BAIAP2L2: variants seen among roughly 807,000 people sequenced by gnomAD.
BAIAP2L2 encodes BAR/IMD domain containing adaptor protein 2 like 2.
In BAIAP2L2, 65 loss-of-function variants were observed where a neutral mutation model predicts 60.4. The ratio of observed to expected loss-of-function variants is 1.08; its 90% CI spans 0.88 to 1.32. The LOEUF (loss-of-function observed/expected upper bound fraction) is 1.32. Ranked by LOEUF, BAIAP2L2 falls within the 40% of genes most tolerant of loss-of-function variation. BAIAP2L2 has a pLI of 0.00. For synonymous variants in BAIAP2L2, 344 were observed against 301.7 expected (o/e 1.14, Z -1.45); for missense variants, 836 against 741.2 (o/e 1.13, Z -1.48).
At chr22:38,101,464 C>T (rs1220700542) in intron 4 of BAIAP2L2, among the ~76,000 whole-genome samples, 2 of 145,692 alleles carry the variant, frequency 1.4e-5, no homozygotes, top group Non-Finnish European at 3.0e-5. Flanking sequence ...AGAGGATTGC[C>T]CGAGCCCAGG....
Position 38,088,699 on chromosome 22 carries a change from A to G in BAIAP2L2, c.1118+49T>C, listed in dbSNP as rs1601992664. ...GCAGGTCCCCGGGTTCCCGGCCCCCAGGGCCTTCTTCTCAACCCACCCCCG... is the reference window on the plus strand; with the variant it reads ...GCAGGTCCCCGGGTTCCCGGCCCCCGGGGCCTTCTTCTCAACCCACCCCCG... On this transcript the variant is annotated intron_variant, in intron 10 of 13. Transcript: ENST00000381669. 8.1e-6 allele frequency: 12 copies of G among 1,489,028 alleles called. No homozygotes were observed. The East Asian group carries it at 2.6e-4, about 33-fold the overall frequency. 92.2% of individuals were successfully genotyped at this position (1,489,028 alleles called of 1,614,324 possible).
At position 38,086,328 on chromosome 22, in the gene BAIAP2L2, T is replaced by C. The variant is rs183519165; in HGVS notation, c.1381A>G (p.Ser461Gly). 5.7e-6 allele frequency: 9 copies of C among 1,576,110 alleles called. No individual in the cohort carries two copies. Among genetic ancestry groups the C allele is most frequent in the African/African-American group, 1.4e-5 (1 of 73,746 alleles). The change falls in exon 12 of 14, where the codon AGC becomes GGC. Residue 461 changes from serine (S) to glycine (G), a missense_variant. Ser to Gly is a moderately conservative substitution (Grantham distance 56). Transcript: ENST00000381669. Reference protein sequence around the residue: ...SRSRTPSRVPSRAPSPAPPPL... With the variant: ...SRSRTPSRVPGRAPSPAPPPL... ...GGAGGTGCAGGGCTGGGGGCACGGC[T>C]TGGCACCCGGCTTGGGGTGCGGGAG...
At chr22:38,105,762 C>G (rs2086654340) in intron 4 of BAIAP2L2, among the ~76,000 whole-genome samples, 3 of 152,184 alleles carry the variant, frequency 2.0e-5, no homozygotes, top group Admixed American at 1.3e-4. Flanking sequence ...TATCGATTCA[C>G]TTACTCACTG....
At chr22:38,106,791 C>T (rs2086674074) in intron 4 of BAIAP2L2, among the ~76,000 whole-genome samples, 1 of 152,222 alleles carries the variant, frequency 6.6e-6, no homozygotes, top group Non-Finnish European at 1.5e-5. Flanking sequence ...TGCCATGCTC[C>T]CTTGGAAAGC....
chr22:38,108,416 G>A, intron 2 of BAIAP2L2, 75 bp from the exon 3 acceptor site: 2 of 1,199,726 alleles, frequency 1.7e-6, no homozygotes, highest in Non-Finnish European at 2.4e-6. Context: ...TTCATCTGGA[G>A]GGGACTGTGT....
chr22:38,110,457 G>T lies in BAIAP2L2; in HGVS notation c.51+18C>A. On this transcript the variant is annotated intron_variant, in intron 1 of 13. Coordinates refer to ENST00000381669, the MANE Select transcript of BAIAP2L2 (RefSeq NM_025045.6). ...GGGAGGAGGGGCTCAGGCCTGGCTT[G>T]GCCACCCATGTGCTCACCTTGTAGA... The T allele has an allele frequency of 6.2e-7, 1 of 1,610,814 alleles. No homozygotes were observed. The highest frequency in any genetic ancestry group is 1.7e-5 in the Admixed American group (1 of 59,776).
intron 10 of BAIAP2L2, among the ~76,000 whole-genome samples, chr22:38,088,335 C>G (rs1246752751): frequency 1.3e-5 from 2 of 152,234 alleles, no homozygotes; most frequent in Non-Finnish European, 2.9e-5. Context: ...TCCACGGAGC[C>G]TGACCGCAAA....
chr22:38,090,240 A>C (rs2086265001), intron 7 of BAIAP2L2: 2 of 150,346 alleles, frequency 1.3e-5, no homozygotes, highest in Admixed American at 1.3e-4. Flanking sequence ...CCTCCCGAGT[A>C]GCTGGGATTA....
intron 3 of BAIAP2L2, among the ~76,000 whole-genome samples, 168 bp downstream of exon 3, chr22:38,108,087 G>A (rs935169802): frequency 6.6e-6 from 1 of 152,226 alleles, no homozygotes; most frequent in Non-Finnish European, 1.5e-5. Flanking sequence ...TCCCAGCCTG[G>A]GAGCAGCCCG....
intron 1 of BAIAP2L2, 70 bp from the exon 2 acceptor site, chr22:38,109,278 C>G (rs1205583085): frequency 7.6e-7 from 1 of 1,307,528 alleles, no homozygotes; most frequent in Admixed American, 1.8e-5. Context: ...CGGATGGAGT[C>G]AAGTCACCAG....
Position 38,089,555 on chromosome 22 carries a change from G to T in BAIAP2L2, c.732C>A (p.Pro244=). ...GGCAGGTGGGCGTCAGGCGGCCCGA[G>T]GGGTAGGGCGGCCCCAGCGCGGGGC... ...LLGPALGPPY[P]SGRLTPTCLD... is the part of the protein sequence containing the mutation. Residue 244 remains proline, a synonymous_variant, in exon 8 of 14, where the codon CCC becomes CCA. Transcript: ENST00000381669. 6 of 1,227,712 alleles carry T rather than the reference G, an allele frequency of 4.9e-6. No homozygotes were observed. Among genetic ancestry groups the T allele is most frequent in the Non-Finnish European group, 6.1e-6 (6 of 985,902 alleles). 76.1% of individuals were successfully genotyped at this position (1,227,712 alleles called of 1,614,324 possible). A position where few individuals can be genotyped will look rare whatever the true frequency, so the allele number is the denominator to read the frequency against.
intron 7 of BAIAP2L2, 84 bp downstream of exon 7, chr22:38,096,948 A>G: frequency 6.9e-7 from 1 of 1,451,886 alleles, no homozygotes; most frequent in East Asian, 2.5e-5. Context: ...AGAGGGAAGA[A>G]GGGAGGGAAA....
At chr22:38,094,182 G>A (rs2086373536) in intron 7 of BAIAP2L2, among the ~76,000 whole-genome samples, 1 of 151,964 alleles carries the variant, frequency 6.6e-6, no homozygotes, top group South Asian at 2.1e-4. Context: ...ACAGCTAAGG[G>A]GTACCGGTTT....
rs534164692 is a variant in BAIAP2L2, at chr22:38,095,324, C to T, written c.612+1708G>A. Reference sequence around the variant, plus strand: ...AGTAAAAGCTTTCCAAAGGCCCCACCTCAGAATAGTTGGAGGGCAGGAAAA... The same window carrying T: ...AGTAAAAGCTTTCCAAAGGCCCCACTTCAGAATAGTTGGAGGGCAGGAAAA... On this transcript the variant is annotated intron_variant, in intron 7 of 13. Transcript: ENST00000381669. Among the ~76,000 whole-genome samples, 187 of 152,206 alleles carry T rather than the reference C, an allele frequency of 1.2e-3. 3 individuals carry two copies. In the South Asian group the frequency reaches 0.016, roughly 13 times the overall value.
chr22:38,109,838 G>A (rs1434660672), intron 1 of BAIAP2L2, among the ~76,000 whole-genome samples: 1 of 151,864 alleles, frequency 6.6e-6, no homozygotes, highest in Non-Finnish European at 1.5e-5. Context: ...CCTTGAATGA[G>A]CTGTTTAACC....
At chr22:38,101,712 A>G (rs5995535) in intron 4 of BAIAP2L2, among the ~76,000 whole-genome samples, 110,701 of 151,706 alleles carry the variant, frequency 0.73, 41,003 homozygotes, top group African/African-American at 0.84. Context: ...AAATTAGCCG[A>G]GCATGGTGGC....
chr22:38,107,901 A>G lies in BAIAP2L2; in HGVS notation c.227T>C (p.Val76Ala), dbSNP rs199627808. Residue 76 changes from valine to alanine, a missense_variant, in exon 4 of 14, where the codon GTG becomes GCG. Physicochemically the swap from Val to Ala is moderately conservative, Grantham distance 64. Transcript: ENST00000381669. ...GTGCCGCTGGGTGTCAGACATCTGC[A>G]CCAAGATCTCCCCTGGAGGCATGGA... ...PTSQILGEIL[V>A]QMSDTQRHLN... 1.4e-4 allele frequency: 229 copies of G among 1,613,452 alleles called. No homozygotes were observed. The highest frequency in any genetic ancestry group is 3.1e-5 in the Non-Finnish European group (36 of 1,179,926).
chr22:38,085,831 G>A, intron 12 of BAIAP2L2, 99 bp from the exon 13 acceptor site: 1 of 1,187,552 alleles, frequency 8.4e-7, no homozygotes, highest in Admixed American at 2.3e-5. Context: ...CAGAGGACTG[G>A]GCCAGAGAGC....
In BAIAP2L2 at chr22:38,096,243, G is replaced by A. The variant is rs149930225; in HGVS notation, c.612+789C>T. Among the ~76,000 whole-genome samples the A allele has an allele frequency of 2.7e-4, 41 of 152,292 alleles. No individual in the cohort carries two copies. The East Asian group carries it at 7.5e-3, about 28-fold the overall frequency. On this transcript the variant is annotated intron_variant, in intron 7 of 13. Transcript: ENST00000381669. ...GGTAGAATAGTTATAGCCAAAAAACGCCAAACAACATGGCAGCTCAATTCA... is the reference window on the plus strand; with the variant it reads ...GGTAGAATAGTTATAGCCAAAAAACACCAAACAACATGGCAGCTCAATTCA...
Sources: gnomAD v4.1 joint callset for allele counts (sites outside exome capture counted in the v4.1 genomes callset) on GRCh38, gnomAD v4.1.1 for gene constraint, MANE v1.5 for transcripts, NCBI Gene and HGNC (gene_info 2026-07-23, HGNC 2026-07-21) for gene names.